The following BBX variants were observed in gnomAD, a reference collection of about 807,000 sequenced individuals.
BBX encodes the protein HMG box transcription factor BBX.
BBX carries 30 observed loss-of-function variants against 100.2 expected under a neutral mutation model. The ratio of observed to expected loss-of-function variants is 0.30; its 90% CI spans 0.22 to 0.41. The LOEUF is 0.41. Among genes scored for constraint, BBX ranks in the 10% least tolerant of loss-of-function variants. The pLI is 1.00. For synonymous variants in BBX, 376 were observed against 388.1 expected, an observed-to-expected ratio of 0.97 and a Z score of 0.37; for missense variants, 1,023 against 1,129.8, an observed-to-expected ratio of 0.91 and a Z score of 1.35.
At chr3:107,743,088 T>C (rs907940268) in intron 7 of BBX, among the ~76,000 whole-genome samples, 1 of 152,150 alleles carries the variant, frequency 6.6e-6, no homozygotes, top group Non-Finnish European at 1.5e-5. Flanking sequence ...TACGTTTAAT[T>C]CCAAATATAT....
At chr3:107,596,124 G>C (rs1445054288) in intron 2 of BBX, among the ~76,000 whole-genome samples, 4 of 152,112 alleles carry the variant, frequency 2.6e-5, no homozygotes, top group Admixed American at 2.0e-4. Flanking sequence ...AACCTATATT[G>C]TTTAAGGGTC....
intron 6 of BBX, among the ~76,000 whole-genome samples, chr3:107,729,262 A>G (rs1012336328): frequency 6.6e-6 from 1 of 152,136 alleles, no homozygotes; most frequent in Non-Finnish European, 1.5e-5. Context: ...TATGTTCACA[A>G]AATAGCTTAC....
intron 3 of BBX, among the ~76,000 whole-genome samples, chr3:107,688,496 T>A (rs569328512): frequency 6.6e-6 from 1 of 152,312 alleles, no homozygotes; most frequent in African/African-American, 2.4e-5. Context: ...AAGGGGTTAA[T>A]AATGGGACAA....
At chr3:107,541,711 G>A (rs1020836212) in intron 2 of BBX, among the ~76,000 whole-genome samples, 8 of 151,978 alleles carry the variant, frequency 5.3e-5, no homozygotes, top group Non-Finnish European at 7.4e-5. Context: ...ATTAATTAGA[G>A]AATATGATTT....
intron 3 of BBX, among the ~76,000 whole-genome samples, chr3:107,698,322 TG>T (rs1320841029): frequency 8.6e-5 from 13 of 151,508 alleles, no homozygotes; most frequent in Admixed American, 2.0e-4. Context: ...TATATATATA[TG>T]TTTTTTTTAA....
intron 3 of BBX, among the ~76,000 whole-genome samples, chr3:107,678,374 A>G (rs182689127): frequency 1.3e-3 from 201 of 152,240 alleles, no homozygotes; most frequent in African/African-American, 4.6e-3. Context: ...TAGGTTCTCA[A>G]TAATATTGAA....
chr3:107,696,590 T>A (rs1466870537), intron 3 of BBX, among the ~76,000 whole-genome samples: 1 of 151,920 alleles, frequency 6.6e-6, no homozygotes, highest in African/African-American at 2.4e-5. Context: ...TAGGCTTCCC[T>A]TTGAGGGTAA....
At chr3:107,694,779 C>T (rs1251738606) in intron 3 of BBX, among the ~76,000 whole-genome samples, 1 of 151,734 alleles carries the variant, frequency 6.6e-6, no homozygotes, top group African/African-American at 2.4e-5. Flanking sequence ...GGTACCAATT[C>T]CTCCTTGTAC....
chr3:107,625,627 T>G (rs569562137), intron 2 of BBX, among the ~76,000 whole-genome samples: 1 of 152,300 alleles, frequency 6.6e-6, no homozygotes, highest in South Asian at 2.1e-4. Flanking sequence ...ACATCAGTTA[T>G]TTTTTTGTAT....
chr3:107,683,756 G>A (rs376915948), intron 3 of BBX, among the ~76,000 whole-genome samples: 6 of 152,112 alleles, frequency 3.9e-5, no homozygotes, highest in Admixed American at 2.6e-4. Context: ...TGAGAGCAAC[G>A]AATACTTTAT....
intron 13 of BBX, among the ~76,000 whole-genome samples, chr3:107,779,022 C>T (rs9863449): frequency 0.67 from 41,176 of 61,390 alleles, 11,329 homozygotes; most frequent in South Asian, 0.76. Context: ...TATATATATA[C>T]ACACACACAC....
chr3:107,609,252 A>G (rs1465403395), intron 2 of BBX, among the ~76,000 whole-genome samples: 2 of 152,126 alleles, frequency 1.3e-5, no homozygotes, highest in African/African-American at 2.4e-5. Flanking sequence ...ATTATGATGA[A>G]TGATTTTCTT....
intron 2 of BBX, among the ~76,000 whole-genome samples, chr3:107,621,072 C>A (rs2055725346): frequency 1.3e-5 from 2 of 152,040 alleles, no homozygotes; most frequent in Non-Finnish European, 2.9e-5. Context: ...CAACCATAGC[C>A]AGCATTGGTT....
At chr3:107,772,415 AC>A (rs975468619) in intron 10 of BBX, among the ~76,000 whole-genome samples, 7 of 152,226 alleles carry the variant, frequency 4.6e-5, no homozygotes, top group Admixed American at 3.3e-4. Context: ...ATTCAGAGAT[AC>A]GTTTGACGAG....
At chr3:107,756,091 A>G (rs1202214907) in intron 10 of BBX, among the ~76,000 whole-genome samples, 1 of 152,090 alleles carries the variant, frequency 6.6e-6, no homozygotes, top group Non-Finnish European at 1.5e-5. Flanking sequence ...AAGAATTCAT[A>G]TGACATGTTC....
intron 10 of BBX, among the ~76,000 whole-genome samples, chr3:107,766,766 T>C (rs1576703578): frequency 6.6e-6 from 1 of 152,230 alleles, no homozygotes; most frequent in African/African-American, 2.4e-5. Context: ...TATATGTTTA[T>C]TGCAGCACTG....
intron 2 of BBX, among the ~76,000 whole-genome samples, chr3:107,577,629 T>A (rs2051894378): frequency 6.6e-6 from 1 of 152,206 alleles, no homozygotes; most frequent in Admixed American, 6.5e-5. Flanking sequence ...TATAAATGGC[T>A]TCTGTAGTAC....
Position 107,772,820 on chromosome 3 carries a change from T to G in BBX, c.1099T>G (p.Ser367Ala). ...EKSAKENLRD[S>A]KELRNFEALQ... is the part of the protein sequence containing the mutation. ...ATCGGCTAAGGAAAATTTAAGAGAT[T>G]CTAAGGAATTGAGAAATTTTGAGGC... Residue 367 changes from serine (S) to alanine (A), a missense_variant, in exon 11 of 18, where the codon TCT becomes GCT. Ser to Ala is a moderately conservative substitution (Grantham distance 99). Transcript: ENST00000325805. 6.2e-7 allele frequency: 1 copy of G among 1,613,526 alleles called. No homozygotes were observed.
At chr3:107,577,423 G>C (rs917625817) in intron 2 of BBX, among the ~76,000 whole-genome samples, 1 of 152,128 alleles carries the variant, frequency 6.6e-6, no homozygotes, top group Non-Finnish European at 1.5e-5. Flanking sequence ...AGGAAAGATT[G>C]GAAAGTAAAG....
Sources: gnomAD v4.1 joint callset for allele counts (sites outside exome capture counted in the v4.1 genomes callset) on GRCh38, gnomAD v4.1.1 for gene constraint, MANE v1.5 for transcripts, NCBI Gene and HGNC (gene_info 2026-07-23, HGNC 2026-07-21) for gene names.